Variants in COL4A3 observed in about 807,000 individuals in gnomAD.
COL4A3 encodes the protein collagen type IV alpha 3 chain.
In COL4A3, 135 loss-of-function variants were observed where a neutral mutation model predicts 217.4. The observed-to-expected ratio is 0.62, with a 90% CI of 0.54 to 0.72. The LOEUF is 0.72. Ranked by LOEUF, COL4A3 falls within the 30% of genes least tolerant of loss-of-function variation. COL4A3 has a pLI of 0.00. For missense variants in COL4A3, 1,868 were observed against 2,119.9 expected (o/e 0.88, Z 2.33); for synonymous variants, 690 against 736.3 (o/e 0.94, Z 1.02).
intron 1 of COL4A3, among the ~76,000 whole-genome samples, chr2:227,185,436 G>A (rs950344220): frequency 2.6e-5 from 4 of 152,162 alleles, no homozygotes; most frequent in Admixed American, 6.5e-5. Context: ...TTACCTTTTA[G>A]CTGTATGAGA....
chr2:227,223,583 A>C (rs2067929062), intron 1 of COL4A3, among the ~76,000 whole-genome samples: 1 of 152,062 alleles, frequency 6.6e-6, no homozygotes, highest in Non-Finnish European at 1.5e-5. Flanking sequence ...TACTAAAAAT[A>C]CAAAAGAAAA....
chr2:227,304,728 T>C (rs2073431321), intron 46 of COL4A3, among the ~76,000 whole-genome samples: 1 of 152,196 alleles, frequency 6.6e-6, no homozygotes, highest in Non-Finnish European at 1.5e-5. Flanking sequence ...TGGAAGAACA[T>C]AAATAAAAAT....
chr2:227,289,899 C>T (rs2072576537), intron 35 of COL4A3, 100 bp from the exon 36 acceptor site: 9 of 1,172,146 alleles, frequency 7.7e-6, no homozygotes, highest in Middle Eastern at 1.9e-4. Context: ...GCCGGTCTGG[C>T]TGTTCTGCAT....
chr2:227,196,247 C>G (rs1269222640), intron 1 of COL4A3, among the ~76,000 whole-genome samples: 2 of 152,056 alleles, frequency 1.3e-5, no homozygotes, highest in African/African-American at 4.8e-5. Flanking sequence ...CACTCACTGA[C>G]TCACCCATAG....
chr2:227,193,169 T>C (rs55694696), intron 1 of COL4A3, among the ~76,000 whole-genome samples: 16,062 of 152,178 alleles, frequency 0.11, 1,667 homozygotes, highest in African/African-American at 0.26. Context: ...CCAGTGCTCA[T>C]AGAATATTTA....
chr2:227,202,746 A>ATATATAT (rs1553738296), intron 1 of COL4A3, among the ~76,000 whole-genome samples: 1 of 22,210 alleles, frequency 4.5e-5, no homozygotes. Context: ...AAAAAAAAAA[A>ATATATAT]ATATATATAT....
intron 1 of COL4A3, among the ~76,000 whole-genome samples, chr2:227,195,665 A>ATGTGTGTGTG (rs769877364): frequency 0.037 from 4,748 of 128,750 alleles, 249 homozygotes; most frequent in African/African-American, 0.1. Context: ...ATATATATAT[A>ATGTGTGTGTG]TATGTGTGTG....
rs961357510 is a variant in COL4A3 at position 227,191,105 on chromosome 2, A to G, written c.87+26292A>G. On this transcript the variant is annotated intron_variant, in intron 1 of 51. Coordinates refer to ENST00000396578, the MANE Select transcript of COL4A3 (RefSeq NM_000091.5). This position sits in a 1 kb window ranked among gnomAD's most constrained non-coding sequence, Gnocchi z 6.8. ...TCTCTTAAAAATAGACTACATAAAT[A>G]ATACGTATATGGCCATGGAAACAAT... Among the ~76,000 whole-genome samples the G allele has an allele frequency of 6.6e-6, 1 of 152,156 alleles. No individual in the cohort carries two copies. Among genetic ancestry groups the G allele is most frequent in the Admixed American group, 6.5e-5 (1 of 15,282 alleles).
In COL4A3 at chr2:227,297,716, C is replaced by T. The variant is rs758528330; in HGVS notation, c.3608C>T (p.Pro1203Leu). The T allele has an allele frequency of 6.2e-6, 10 of 1,608,438 alleles. No homozygotes were observed. Among genetic ancestry groups the T allele is most frequent in the African/African-American group, 1.3e-5 (1 of 74,940 alleles). ...DRGAPGFPGL[P>L]GRKGAMGDAG... ...GGAGCCCCAGGTTTTCCTGGCCTCC[C>T]GGGCAGAAAAGGGGCCATGGGAGAT... Residue 1203 changes from proline (P) to leucine (L), a missense_variant, in exon 42 of 52, where the codon CCG becomes CTG. This residue lies in a region of COL4A3 where 1,503 missense variants were observed against 1,786.1 expected (regional missense o/e 0.84). Coordinates refer to ENST00000396578, the MANE Select transcript of COL4A3 (RefSeq NM_000091.5).
chr2:227,257,837 C>T (rs971457525), intron 18 of COL4A3, among the ~76,000 whole-genome samples, 193 bp downstream of exon 18: 3 of 152,074 alleles, frequency 2.0e-5, no homozygotes, highest in Non-Finnish European at 4.4e-5. Flanking sequence ...CTATTTGGTC[C>T]CTGGAAGGCA....
intron 9 of COL4A3, 79 bp from the exon 10 acceptor site, chr2:227,251,061 T>C (rs2069711614): frequency 4.8e-6 from 5 of 1,037,096 alleles, no homozygotes; most frequent in African/African-American, 1.6e-5. Flanking sequence ...TAAAATATTT[T>C]AATGCATTTA....
Position 227,294,946 on chromosome 2 carries a change from T to G in COL4A3, c.3419-18T>G, listed in dbSNP as rs762166738. 35 of 374,368 alleles carry G rather than the reference T, an allele frequency of 9.3e-5. No individual in the cohort carries two copies. Among genetic ancestry groups the G allele is most frequent in the Non-Finnish European group, 1.1e-4 (31 of 276,042 alleles). 23.2% of individuals were successfully genotyped at this position (374,368 alleles called of 1,614,324 possible). A position where few individuals can be genotyped will look rare whatever the true frequency, so the allele number is the denominator to read the frequency against. On this transcript the variant is annotated intron_variant, in intron 39 of 51. Transcript: ENST00000396578. The stretch of plus-strand genomic sequence containing the variant: ...ATACCATAGTTTGGGGTTTTTGGGT[T>G]TTTTTTTTTTTTTTCAGGTCTTCCA...
chr2:227,279,709 C>T, intron 28 of COL4A3, 84 bp from the exon 29 acceptor site: 1 of 906,352 alleles, frequency 1.1e-6, no homozygotes, highest in Non-Finnish European at 1.7e-6. Flanking sequence ...GCATCTCTAG[C>T]TGGTTGAGAG....
chr2:227,266,345 A>G, intron 21 of COL4A3, 72 bp from the exon 22 acceptor site: 1 of 1,102,106 alleles, frequency 9.1e-7, no homozygotes, highest in Non-Finnish European at 1.4e-6. Context: ...TTTAAATAAT[A>G]CATATATTAC....
chr2:227,309,160 G>A (rs2073638529), intron 49 of COL4A3, 44 bp from the exon 50 acceptor site: 9 of 1,610,094 alleles, frequency 5.6e-6, no homozygotes, highest in Non-Finnish European at 7.7e-6. Flanking sequence ...ACATGACAGT[G>A]CAGAAAGTGG....
chr2:227,282,289 TATATA>T lies in COL4A3; in HGVS notation c.2489-75_2489-71del. ...TCCATCTTAAAAATATATATATATA[TATATA>T]TATATATTTCTGAAGTTAGTAGGGG... On this transcript the variant is annotated intron_variant, in intron 31 of 51. Transcript: ENST00000396578. The surrounding 1 kb of genome is among the most constrained non-coding windows in gnomAD (Gnocchi z 4.4). 1 of 671,316 alleles carries T rather than the reference TATATA, an allele frequency of 1.5e-6. No homozygotes were observed. The highest frequency in any genetic ancestry group is 2.3e-6 in the Non-Finnish European group (1 of 432,464). 41.6% of individuals were successfully genotyped at this position (671,316 alleles called of 1,614,324 possible).
chr2:227,252,586 GCACACACACA>G (rs59472907), intron 11 of COL4A3, among the ~76,000 whole-genome samples: 86 of 146,384 alleles, frequency 5.9e-4, no homozygotes, highest in Middle Eastern at 3.4e-3. Flanking sequence ...ACACACAAAT[GCACACACACA>G]CACACACACA....
chr2:227,212,121 C>A (rs1371943645), intron 1 of COL4A3, among the ~76,000 whole-genome samples: 1 of 151,422 alleles, frequency 6.6e-6, no homozygotes, highest in East Asian at 1.9e-4. Context: ...TGTGTATCCT[C>A]TTCTGAAAAA....
At chr2:227,222,924 G>C (rs2125828952) in intron 1 of COL4A3, among the ~76,000 whole-genome samples, 1 of 152,336 alleles carries the variant, frequency 6.6e-6, no homozygotes, top group African/African-American at 2.4e-5. Context: ...ACTCAGCACT[G>C]ATGGCCAGGT....
Sources: allele counts gnomAD v4.1 joint callset (sites outside exome capture counted in the v4.1 genomes callset), GRCh38; gene constraint gnomAD v4.1.1; regional missense constraint gnomAD v4.1.1; non-coding constraint Gnocchi (gnomAD v3.1); transcripts MANE v1.5; gene names NCBI Gene and HGNC (gene_info 2026-07-23, HGNC 2026-07-21).